Variants in ARHGEF6 observed in about 807,000 individuals in gnomAD.
ARHGEF6 encodes Rac/Cdc42 guanine nucleotide exchange factor 6, also known as rho guanine nucleotide exchange factor 6.
Under a neutral mutation model 70.3 loss-of-function variants are expected in ARHGEF6, and 9 were observed. That is an observed-to-expected ratio of 0.13 (90% confidence interval 0.08 to 0.22). The LOEUF (loss-of-function observed/expected upper bound fraction) is 0.22, where lower values mean the gene tolerates loss of function less well. Among genes scored for constraint, ARHGEF6 ranks in the 10% least tolerant of loss-of-function variants. The pLI, the probability that ARHGEF6 is intolerant of heterozygous loss-of-function variation, is 1.00. For missense variants in ARHGEF6, 470 were observed against 563.0 expected, an observed-to-expected ratio of 0.83 and a Z score of 1.67; for synonymous variants, 201 against 207.8, an observed-to-expected ratio of 0.97 and a Z score of 0.28.
At chrX:136,685,620 AAAGG>A in intron 12 of ARHGEF6, 53 bp downstream of exon 12, 1 of 1,153,612 alleles carries the variant, frequency 8.7e-7, no homozygotes, top group Admixed American at 2.4e-5. Flanking sequence ...AAAAAAAAAA[AAAGG>A]AAGAAAAATA....
At chrX:136,717,317 T>G (rs960881738) in intron 6 of ARHGEF6, among the ~76,000 whole-genome samples, 2 of 112,054 alleles carry the variant, frequency 1.8e-5, no homozygotes, top group African/African-American at 6.5e-5. Context: ...GAGTGAAATA[T>G]TTAAAGTGTT....
At chrX:136,737,143 A>T (rs2076993671) in intron 5 of ARHGEF6, among the ~76,000 whole-genome samples, 1 of 111,909 alleles carries the variant, frequency 8.9e-6, no homozygotes, top group African/African-American at 3.3e-5. Flanking sequence ...TGCCTGATTG[A>T]ACTTTATAAA....
intron 19 of ARHGEF6, among the ~76,000 whole-genome samples, chrX:136,674,471 A>AG (rs916022588): frequency 2.7e-5 from 3 of 112,653 alleles, no homozygotes; most frequent in Non-Finnish European, 3.8e-5. Context: ...ACCCTAACCT[A>AG]ATAACTCCCT....
intron 6 of ARHGEF6, among the ~76,000 whole-genome samples, chrX:136,715,483 A>G (rs1292364950): frequency 9.0e-6 from 1 of 111,541 alleles, no homozygotes; most frequent in Non-Finnish European, 1.9e-5. Flanking sequence ...ACAAACTGAA[A>G]TAAACCATCG....
At chrX:136,696,013 G>C (rs1271211858) in intron 9 of ARHGEF6, among the ~76,000 whole-genome samples, 1 of 111,834 alleles carries the variant, frequency 8.9e-6, no homozygotes, top group Non-Finnish European at 1.9e-5. Flanking sequence ...TGGTGACACA[G>C]TGCTGGGTGC....
At position 136,667,942 on chromosome X, in the gene ARHGEF6, A is replaced by G. The variant is rs1008606304; in HGVS notation, c.*87T>C. On this transcript the variant is annotated 3_prime_UTR_variant, in exon 22 of 22. Coordinates refer to ENST00000250617, the MANE Select transcript of ARHGEF6 (RefSeq NM_004840.3). Reference sequence around the variant, plus strand: ...GAGACTCAAACACAAAACAAAAGCCAAAGAAGTGAGCAAACTGAGTCAAAT... The same window carrying G: ...GAGACTCAAACACAAAACAAAAGCCGAAGAAGTGAGCAAACTGAGTCAAAT... The G allele has an allele frequency of 1.2e-4, 139 of 1,141,741 alleles. No individual in the cohort carries two copies. Among genetic ancestry groups the G allele is most frequent in the Non-Finnish European group, 1.5e-4 (127 of 835,678 alleles). 94.1% of individuals were successfully genotyped at this position (1,141,741 alleles called of 1,213,427 possible). A position where few individuals can be genotyped will look rare whatever the true frequency, so the allele number is the denominator to read the frequency against.
chrX:136,731,120 C>T (rs1165946579), intron 6 of ARHGEF6, among the ~76,000 whole-genome samples: 6 of 111,976 alleles, frequency 5.4e-5, no homozygotes, highest in African/African-American at 1.6e-4. Flanking sequence ...ACAAAATAGT[C>T]GACTGTGATT....
chrX:136,753,915 T>C (rs1211975980), intron 2 of ARHGEF6, among the ~76,000 whole-genome samples: 2 of 112,282 alleles, frequency 1.8e-5, no homozygotes, highest in Admixed American at 1.9e-4. Context: ...GCTTTAACTC[T>C]CTATGTTTTC....
chrX:136,707,090 T>G, intron 8 of ARHGEF6, 60 bp from the exon 9 acceptor site: 1 of 1,159,995 alleles, frequency 8.6e-7, no homozygotes, highest in Non-Finnish European at 1.2e-6. Flanking sequence ...CAAAGGAAGA[T>G]TATTCCAATT....
chrX:136,757,206 A>G (rs1198158813), intron 2 of ARHGEF6, among the ~76,000 whole-genome samples: 1 of 112,253 alleles, frequency 8.9e-6, no homozygotes, highest in Non-Finnish European at 1.9e-5. Context: ...CTAAAAATAC[A>G]AAAATTAACC....
At chrX:136,700,764 C>A (rs949880470) in intron 9 of ARHGEF6, among the ~76,000 whole-genome samples, 1 of 111,994 alleles carries the variant, frequency 8.9e-6, no homozygotes, top group East Asian at 2.8e-4. Context: ...AAGAAAAAAA[C>A]AGTCTGAGGA....
chrX:136,708,731 G>A lies in ARHGEF6; in HGVS notation c.867C>T (p.Phe289=), dbSNP rs760166273. ...TCTGTTGAAATGTGCATACTTCCTCGAAGTTTCCCAGTAAAGATGTAACCT... is the reference window on the plus strand; with the variant it reads ...TCTGTTGAAATGTGCATACTTCCTCAAAGTTTCCCAGTAAAGATGTAACCT... ...TVEVTSLLGN[F]EEVCTFQQTL... The change falls in exon 8 of 22, where the codon TTC becomes TTT. Residue 289 remains phenylalanine, a synonymous_variant. Transcript: ENST00000250617. 12 of 1,204,302 alleles carry A rather than the reference G, an allele frequency of 1.0e-5. No homozygotes were observed. The highest frequency in any genetic ancestry group is 2.2e-5 in the Admixed American group (1 of 45,858).
intron 2 of ARHGEF6, among the ~76,000 whole-genome samples, chrX:136,777,140 G>A (rs974325003): frequency 5.4e-5 from 6 of 111,042 alleles, no homozygotes; most frequent in African/African-American, 1.6e-4. Context: ...CAGGAGAATC[G>A]CTGGAACCAG....
chrX:136,768,186 G>A (rs995006841), intron 2 of ARHGEF6, among the ~76,000 whole-genome samples: 3 of 111,336 alleles, frequency 2.7e-5, no homozygotes, highest in Admixed American at 9.4e-5. Flanking sequence ...TGCCCTTCCC[G>A]GCCTCTCTGA....
chrX:136,760,864 T>A (rs111860139), intron 2 of ARHGEF6, among the ~76,000 whole-genome samples: 8,875 of 112,098 alleles, frequency 0.079, 616 homozygotes, highest in African/African-American at 0.22. Flanking sequence ...ATTTTAATTT[T>A]AAAATAAATA....
intron 2 of ARHGEF6, among the ~76,000 whole-genome samples, chrX:136,777,787 C>CACACACACACACACACACA (rs767698755): frequency 1.8e-5 from 2 of 109,240 alleles, no homozygotes; most frequent in Admixed American, 9.8e-5. Flanking sequence ...CACACACACA[C>CACACACACACACACACACA]CATGGAATAC....
chrX:136,764,939 A>C (rs7062889), intron 2 of ARHGEF6, among the ~76,000 whole-genome samples: 13,475 of 111,780 alleles, frequency 0.12, 1,570 homozygotes, highest in African/African-American at 0.37. Flanking sequence ...GCCATGTCTG[A>C]AAACAAAGGA....
chrX:136,719,977 A>G (rs2076779007), intron 6 of ARHGEF6, among the ~76,000 whole-genome samples: 1 of 112,292 alleles, frequency 8.9e-6, no homozygotes. Context: ...ACATCTAGTA[A>G]AGAAAATGAA....
intron 10 of ARHGEF6, 29 bp downstream of exon 10, chrX:136,690,581 C>A (rs767096856): frequency 1.7e-6 from 2 of 1,209,669 alleles, no homozygotes; most frequent in East Asian, 5.9e-5. Context: ...ACTTGGCACA[C>A]GAGCTTGAAA....
Sources: gnomAD v4.1 joint callset for allele counts (sites outside exome capture counted in the v4.1 genomes callset) on GRCh38, gnomAD v4.1.1 for gene constraint, MANE v1.5 for transcripts, NCBI Gene and HGNC (gene_info 2026-07-23, HGNC 2026-07-21) for gene names.